EEFSEC: variants seen among roughly 807,000 people sequenced by gnomAD.
EEFSEC encodes the protein selenocysteine-specific elongation factor.
A neutral mutation model predicts 42.1 loss-of-function variants in EEFSEC; 43 were observed. The observed-to-expected ratio is 1.02, with a 90% CI of 0.80 to 1.32. The LOEUF is 1.32. Among genes scored for constraint, EEFSEC ranks in the 40% most tolerant of loss-of-function variants. The pLI is 0.00. For synonymous variants in EEFSEC, 354 were observed against 339.1 expected (o/e 1.04, Z -0.48); for missense variants, 745 against 803.6 (o/e 0.93, Z 0.88).
Position 128,153,790 on chromosome 3 carries a change from G to A in EEFSEC, c.283G>A (p.Gly95Arg). The stretch of plus-strand genomic sequence containing the variant: ...TCAGGTCACGCTGGTCGACTGCCCC[G>A]GGCACGCCTCCCTCATCCGGACCAT... ...LLQVTLVDCP[G>R]HASLIRTIIG... The change falls in exon 1 of 7, where the codon GGG (glycine) becomes AGG (arginine). Residue 95 changes from glycine to arginine, a missense_variant. By Grantham distance (125) the Gly-to-Arg change is moderately radical (BLOSUM62 -2). Coordinates refer to ENST00000254730, the MANE Select transcript of EEFSEC (RefSeq NM_021937.5). 2 of 1,526,982 alleles carry A rather than the reference G, an allele frequency of 1.3e-6. No individual in the cohort carries two copies. The highest frequency in any genetic ancestry group is 8.7e-7 in the Non-Finnish European group (1 of 1,143,334). 94.6% of individuals were successfully genotyped at this position (1,526,982 alleles called of 1,614,324 possible).
At chr3:128,288,661 T>C (rs2066611490) in intron 4 of EEFSEC, among the ~76,000 whole-genome samples, 1 of 152,246 alleles carries the variant, frequency 6.6e-6, no homozygotes. Context: ...AGAGGACCTA[T>C]ACTTTATACT....
intron 4 of EEFSEC, among the ~76,000 whole-genome samples, chr3:128,312,991 C>T (rs531934654): frequency 3.9e-5 from 6 of 152,266 alleles, no homozygotes; most frequent in Admixed American, 3.9e-4. Flanking sequence ...GTTACCATTT[C>T]TTGGCGGTGT....
chr3:128,338,761 C>A (rs1411426544), intron 4 of EEFSEC, among the ~76,000 whole-genome samples: 5 of 152,220 alleles, frequency 3.3e-5, no homozygotes, highest in South Asian at 2.1e-4. Flanking sequence ...GGGGCTCAGC[C>A]CTGTGAGTGA....
At chr3:128,406,825 AACAC>A (rs1347077027) in intron 6 of EEFSEC, among the ~76,000 whole-genome samples, 2 of 151,414 alleles carry the variant, frequency 1.3e-5, no homozygotes, top group African/African-American at 2.4e-5. Flanking sequence ...ACACACACAC[AACAC>A]ACACACAAAT....
rs910870590 is a variant in EEFSEC, at chr3:128,347,262, GA to G, written c.1443+5385del. ...TGACTTGTAATAAAGGGTTAATGAAGAAAAAAAAAAAAGAAGAAGAGGGAGC... is the reference window on the plus strand; with the variant it reads ...TGACTTGTAATAAAGGGTTAATGAAGAAAAAAAAAAAGAAGAAGAGGGAGC... On this transcript the variant is annotated intron_variant, in intron 5 of 6. Coordinates refer to ENST00000254730, the MANE Select transcript of EEFSEC (RefSeq NM_021937.5). Among the ~76,000 whole-genome samples, 308 of 138,084 alleles carry G rather than the reference GA, an allele frequency of 2.2e-3. 1 individual carries two copies. The highest frequency in any genetic ancestry group is 2.0e-3 in the Non-Finnish European group (129 of 63,136). 90.6% of individuals were successfully genotyped at this position (138,084 alleles called of 152,430 possible).
At chr3:128,366,139 T>A (rs2067587352) in intron 6 of EEFSEC, among the ~76,000 whole-genome samples, 1 of 152,236 alleles carries the variant, frequency 6.6e-6, no homozygotes, top group Non-Finnish European at 1.5e-5. Context: ...CTGCAGGAGT[T>A]GGGGACACAC....
At chr3:128,258,907 A>G (rs1230821523) in intron 2 of EEFSEC, among the ~76,000 whole-genome samples, 1 of 152,140 alleles carries the variant, frequency 6.6e-6, no homozygotes, top group East Asian at 1.9e-4. Context: ...CCTCCAACCT[A>G]GGCTGATGGA....
chr3:128,364,597 G>T (rs943106676), intron 6 of EEFSEC, among the ~76,000 whole-genome samples: 2 of 152,164 alleles, frequency 1.3e-5, no homozygotes, highest in African/African-American at 4.8e-5. Flanking sequence ...CAGTTCCTTC[G>T]CCTACACAGT....
intron 4 of EEFSEC, among the ~76,000 whole-genome samples, chr3:128,285,126 T>C (rs1354305722): frequency 4.6e-5 from 7 of 151,744 alleles, no homozygotes; most frequent in African/African-American, 1.7e-4. Flanking sequence ...GCTTAAGAGG[T>C]ACCTAGGGTG....
intron 6 of EEFSEC, among the ~76,000 whole-genome samples, chr3:128,403,774 G>A (rs890185296): frequency 6.6e-6 from 1 of 152,170 alleles, no homozygotes; most frequent in African/African-American, 2.4e-5. Context: ...CCGTCATCTG[G>A]CCTTGGGTCC....
chr3:128,218,463 C>T (rs978968222), intron 1 of EEFSEC, among the ~76,000 whole-genome samples: 1 of 152,224 alleles, frequency 6.6e-6, no homozygotes, highest in African/African-American at 2.4e-5. Context: ...GGCTAGCTTT[C>T]TGGGCCAAGC....
At chr3:128,201,673 T>A (rs983302328) in intron 1 of EEFSEC, among the ~76,000 whole-genome samples, 1 of 152,234 alleles carries the variant, frequency 6.6e-6, no homozygotes, top group Non-Finnish European at 1.5e-5. Context: ...ACCTATTTGT[T>A]TTCTTAATGG....
chr3:128,244,877 T>G (rs1243249457), intron 1 of EEFSEC, among the ~76,000 whole-genome samples: 1 of 152,224 alleles, frequency 6.6e-6, no homozygotes, highest in Non-Finnish European at 1.5e-5. Context: ...CGGATATCAT[T>G]CCATAGTGGT....
At chr3:128,290,036 C>G (rs2066626300) in intron 4 of EEFSEC, among the ~76,000 whole-genome samples, 1 of 152,116 alleles carries the variant, frequency 6.6e-6, no homozygotes, top group African/African-American at 2.4e-5. Flanking sequence ...CTATAAATTG[C>G]CTTTTCATTT....
At chr3:128,274,872 A>G (rs532902707) in intron 4 of EEFSEC, among the ~76,000 whole-genome samples, 61 of 152,262 alleles carry the variant, frequency 4.0e-4, no homozygotes, top group African/African-American at 1.4e-3. Context: ...TCAGGTGGGA[A>G]TGGTTCTTCC....
In EEFSEC at chr3:128,153,663, C is replaced by T. The variant is rs11711710; in HGVS notation, c.156C>T (p.Gly52=). 195,252 of 1,596,914 alleles carry T rather than the reference C, an allele frequency of 0.12. 13,093 individuals are homozygous for T. The highest frequency in any genetic ancestry group is 0.22 in the African/African-American group (16,519 of 73,936). The part of the protein sequence containing the change: ...SRERGITLDL[G]FSCFSVPLPA... ...AGCGCGGCATCACGCTCGATCTGGG[C>T]TTCTCGTGCTTCTCGGTGCCGCTGC... The change falls in exon 1 of 7, where the codon GGC becomes GGT. Residue 52 remains glycine (G), a synonymous_variant. Transcript: ENST00000254730.
intron 4 of EEFSEC, among the ~76,000 whole-genome samples, chr3:128,321,416 G>C (rs984537185): frequency 1.3e-5 from 2 of 152,182 alleles, no homozygotes; most frequent in Non-Finnish European, 2.9e-5. Flanking sequence ...GGGTGGAGAG[G>C]GGGAAGGACC....
intron 1 of EEFSEC, among the ~76,000 whole-genome samples, chr3:128,204,960 G>A (rs763302482): frequency 1.3e-5 from 2 of 152,272 alleles, no homozygotes; most frequent in Admixed American, 6.5e-5. Flanking sequence ...TGTCTGCTGC[G>A]TGACGGGCTT....
At chr3:128,300,045 A>G (rs1003671361) in intron 4 of EEFSEC, among the ~76,000 whole-genome samples, 1 of 151,986 alleles carries the variant, frequency 6.6e-6, no homozygotes, top group African/African-American at 2.4e-5. Flanking sequence ...GGTGATGTTC[A>G]CTGGTGGTAG....
Sources: gnomAD v4.1 joint callset for allele counts (sites outside exome capture counted in the v4.1 genomes callset) on GRCh38, gnomAD v4.1.1 for gene constraint, MANE v1.5 for transcripts, NCBI Gene and HGNC (gene_info 2026-07-23, HGNC 2026-07-21) for gene names.